The following MYBPC2 variants were observed in gnomAD, a reference collection of about 807,000 sequenced individuals.
MYBPC2 encodes myosin binding protein C2, also known as myosin-binding protein C, fast-type.
MYBPC2 carries 122 observed loss-of-function variants against 137.0 expected under a neutral mutation model. That is an observed-to-expected ratio of 0.89 (90% CI 0.77 to 1.03). MYBPC2 has a LOEUF of 1.03. Ranked by LOEUF, MYBPC2 falls within the 50% of genes least tolerant of loss-of-function variation. The pLI, the probability that MYBPC2 is intolerant of heterozygous loss-of-function variation, is 0.00. For missense variants in MYBPC2, 1,500 were observed against 1,534.4 expected (o/e 0.98, Z 0.37); for synonymous variants, 626 against 612.3 (o/e 1.02, Z -0.33).
chr19:50,464,453 C>G lies in MYBPC2; in HGVS notation c.3336C>G (p.Pro1112=). Residue 1112 remains proline (P), a synonymous_variant, in exon 27 of 28, where the codon CCC becomes CCG. Coordinates refer to ENST00000357701, the MANE Select transcript of MYBPC2 (RefSeq NM_004533.4). ...VLTLNIRRPS[P]FDAGTYTCRA... ...CGCTGAACATCCGTCGCCCCTCGCC[C>G]TTCGACGCTGGGACTTACACCTGCC... The G allele has an allele frequency of 1.9e-6, 3 of 1,612,420 alleles. No homozygotes were observed. Among genetic ancestry groups the G allele is most frequent in the Non-Finnish European group, 2.5e-6 (3 of 1,179,438 alleles).
chr19:50,441,066 G>A lies in MYBPC2; in HGVS notation c.759G>A (p.Lys253=). 6.3e-7 allele frequency: 1 copy of A among 1,592,664 alleles called. No individual in the cohort carries two copies. Among genetic ancestry groups the A allele is most frequent in the Non-Finnish European group, 8.5e-7 (1 of 1,170,094 alleles). Residue 253 remains lysine, a synonymous_variant, in exon 8 of 28, where the codon AAG becomes AAA. Transcript: ENST00000357701. The stretch of plus-strand genomic sequence containing the variant: ...TGAAAAAGGCTAAGGTCGAGGTCAA[G>A]AAGAGTGCAGGTCAGCCCTGGTCTG... The part of the protein sequence containing the change: ...KRLKKAKVEV[K]KSAAFTKKLD...
At chr19:50,434,454 A>G (rs974477878) in intron 1 of MYBPC2, among the ~76,000 whole-genome samples, 4 of 152,204 alleles carry the variant, frequency 2.6e-5, no homozygotes. Flanking sequence ...TCCCATCTGC[A>G]TGGAGTCACA....
chr19:50,442,213 G>C lies in MYBPC2; in HGVS notation c.802G>C (p.Val268Leu). Residue 268 changes from valine (V) to leucine (L), a missense_variant, in exon 9 of 28, where the codon GTG becomes CTG. By Grantham distance (32) the Val-to-Leu change is conservative. Coordinates refer to ENST00000357701, the MANE Select transcript of MYBPC2 (RefSeq NM_004533.4). ...AAAGAAGCTGGATCCAGCCTACCAA[G>C]TGGACAGAGGCAACAAGATCAAGTT... ...FTKKLDPAYQ[V>L]DRGNKIKLMV... 6.2e-7 allele frequency: 1 copy of C among 1,601,030 alleles called. No homozygotes were observed. The highest frequency in any genetic ancestry group is 8.5e-7 in the Non-Finnish European group (1 of 1,173,924).
At chr19:50,446,434 A>C (rs1020165921) in intron 12 of MYBPC2, among the ~76,000 whole-genome samples, 3 of 151,496 alleles carry the variant, frequency 2.0e-5, no homozygotes, top group Non-Finnish European at 4.4e-5. Context: ...AATTGCTTGA[A>C]CCCAGGAGGC....
At position 50,459,138 on chromosome 19, in the gene MYBPC2, A is replaced by T; in HGVS notation, c.2623A>T (p.Thr875Ser). 1 of 1,556,342 alleles carries T rather than the reference A, an allele frequency of 6.4e-7. No homozygotes were observed. Among genetic ancestry groups the T allele is most frequent in the Non-Finnish European group, 8.7e-7 (1 of 1,152,818 alleles). ...QGKPRPQVVWTKGGAPLDTSR... is the reference protein window; with the variant it reads ...QGKPRPQVVWSKGGAPLDTSR... ...AAAGCCCCGGCCCCAGGTGGTGTGG[A>T]CCAAGGGCGGGGCCCCGCTGGACAC... is the stretch of plus-strand genomic sequence containing the variant. The change falls in exon 23 of 28, where the codon ACC (threonine) becomes TCC (serine). Residue 875 changes from threonine to serine, a missense_variant. By Grantham distance (58) the Thr-to-Ser change is moderately conservative (BLOSUM62 1). Coordinates refer to ENST00000357701, the MANE Select transcript of MYBPC2 (RefSeq NM_004533.4).
At chr19:50,456,977 A>C (rs770627137) in intron 20 of MYBPC2, among the ~76,000 whole-genome samples, 8 of 152,142 alleles carry the variant, frequency 5.3e-5, no homozygotes, top group South Asian at 2.1e-4. Flanking sequence ...AGACGCAGCC[A>C]TCTCTCTGGG....
chr19:50,436,271 G>C (rs1342516371), intron 4 of MYBPC2, 111 bp downstream of exon 4: 3 of 1,448,676 alleles, frequency 2.1e-6, no homozygotes, highest in Non-Finnish European at 2.8e-6. Flanking sequence ...GAGCCGGGAT[G>C]GAGAGTGGGC....
intron 9 of MYBPC2, 44 bp from the exon 10 acceptor site, chr19:50,443,450 G>GTGGA (rs2039773561): frequency 1.2e-6 from 2 of 1,601,170 alleles, no homozygotes; most frequent in Non-Finnish European, 8.5e-7. Flanking sequence ...CCAGGGATAG[G>GTGGA]TGGATGCTCC....
At chr19:50,453,054 A>G (rs2039875531) in intron 16 of MYBPC2, among the ~76,000 whole-genome samples, 1 of 152,212 alleles carries the variant, frequency 6.6e-6, no homozygotes, top group African/African-American at 2.4e-5. Context: ...CCAGGCACTG[A>G]GGATGCAACC....
In MYBPC2 at chr19:50,436,060, A is replaced by G; in HGVS notation, c.245A>G (p.Asp82Gly). 1.3e-6 allele frequency: 2 copies of G among 1,584,692 alleles called. No homozygotes were observed. The highest frequency in any genetic ancestry group is 1.7e-6 in the Non-Finnish European group (2 of 1,165,322). The change falls in exon 4 of 28, where the codon GAC becomes GGC. Residue 82 changes from aspartate to glycine, a missense_variant. Asp to Gly is a moderately conservative substitution (Grantham distance 94). Coordinates refer to ENST00000357701, the MANE Select transcript of MYBPC2 (RefSeq NM_004533.4). ...VAKVNGKELPDKPTIKWFKGK... is the reference protein window; with the variant it reads ...VAKVNGKELPGKPTIKWFKGK... Reference sequence around the variant, plus strand: ...AAGGTGAACGGGAAGGAGCTCCCAGACAAACCGACCATCAAGTGGTTCAAG... The same window carrying G: ...AAGGTGAACGGGAAGGAGCTCCCAGGCAAACCGACCATCAAGTGGTTCAAG...
In MYBPC2 at chr19:50,465,588, T is replaced by C. The variant is rs1038429441; in HGVS notation, c.3416-607T>C. Among the ~76,000 whole-genome samples the C allele has an allele frequency of 1.3e-5, 2 of 152,170 alleles. No individual in the cohort carries two copies. The highest frequency in any genetic ancestry group is 2.9e-5 in the Non-Finnish European group (2 of 68,042). On this transcript the variant is annotated intron_variant, in intron 27 of 27. Transcript: ENST00000357701. This position sits in a 1 kb window ranked among gnomAD's most constrained non-coding sequence, Gnocchi z 4.5. Reference sequence around the variant, plus strand: ...CAAGCACGGTGGCTCTCGCCTGTAATCCCAGCACATTGGGAGGCCAAGGCA... The same window carrying C: ...CAAGCACGGTGGCTCTCGCCTGTAACCCCAGCACATTGGGAGGCCAAGGCA...
In MYBPC2 at chr19:50,436,449, G is replaced by T. The variant is rs2039704225; in HGVS notation, c.346-168G>T. On this transcript the variant is annotated intron_variant, in intron 4 of 27. Transcript: ENST00000357701. ...CCAGAAGTCCTGATGGGTCAGATAT[G>T]AGGAGACAGAGCTGGCCACCAGGTG... Among the ~76,000 whole-genome samples the T allele has an allele frequency of 1.3e-5, 2 of 152,218 alleles. 1 individual carries two copies. The highest frequency in any genetic ancestry group is 4.1e-4 in the South Asian group (2 of 4,830).
intron 24 of MYBPC2, 106 bp downstream of exon 24, chr19:50,460,285 G>GAGCC (rs1352326285): frequency 3.5e-6 from 5 of 1,441,170 alleles, no homozygotes; most frequent in Admixed American, 2.6e-5. Context: ...CCAGAGGCTA[G>GAGCC]AGGACGGGCT....
rs2040007829 is a variant in MYBPC2 at position 50,465,504 on chromosome 19, C to A, written c.3416-691C>A. Among the ~76,000 whole-genome samples, 1 of 152,154 alleles carries A rather than the reference C, an allele frequency of 6.6e-6. No individual in the cohort carries two copies. Among genetic ancestry groups the A allele is most frequent in the African/African-American group, 2.4e-5 (1 of 41,436 alleles). ...CTGACTTCCCTGGCTCTGAGGACAG[C>A]CCAGCAGACAGGGTGGCTGGGGACC... On this transcript the variant is annotated intron_variant, in intron 27 of 27. Coordinates refer to ENST00000357701, the MANE Select transcript of MYBPC2 (RefSeq NM_004533.4). The surrounding 1 kb of genome is among the most constrained non-coding windows in gnomAD (Gnocchi z 4.5).
Position 50,455,621 on chromosome 19 carries a change from T to G in MYBPC2, c.2315T>G (p.Leu772Arg). 1 of 1,613,972 alleles carries G rather than the reference T, an allele frequency of 6.2e-7. No individual in the cohort carries two copies. The highest frequency in any genetic ancestry group is 8.5e-7 in the Non-Finnish European group (1 of 1,179,892). ...RIGAGGIDGY[L>R]VEYCLEGSEE... Reference sequence around the variant, plus strand: ...GGGGCAGGTGGCATCGATGGGTACCTGGTGGAGTACTGCCTGGAAGGCTGT... The same window carrying G: ...GGGGCAGGTGGCATCGATGGGTACCGGGTGGAGTACTGCCTGGAAGGCTGT... The change falls in exon 20 of 28, where the codon CTG becomes CGG. Residue 772 changes from leucine to arginine, a missense_variant. Leu to Arg is a moderately radical substitution (Grantham distance 102). Transcript: ENST00000357701.
intron 18 of MYBPC2, among the ~76,000 whole-genome samples, chr19:50,454,713 A>C (rs1009657387): frequency 6.6e-6 from 1 of 152,036 alleles, no homozygotes; most frequent in Non-Finnish European, 1.5e-5. Context: ...GGTGTCAGCC[A>C]CGGCACCAGC....
chr19:50,435,161 C>T lies in MYBPC2; in HGVS notation c.20C>T (p.Ala7Val), dbSNP rs201530737. The change falls in exon 2 of 28, where the codon GCG (alanine) becomes GTG (valine). Residue 7 changes from alanine to valine, a missense_variant and splice_region_variant. Transcript: ENST00000357701. This position sits in a 1 kb window ranked among gnomAD's most constrained non-coding sequence, Gnocchi z 4.8. The stretch of plus-strand genomic sequence containing the variant: ...ACTATGACTGTCCCCTACCTTACAG[C>T]GGCCAAAAAGGCCCCCAAAGGCAAA... MPEAKP[A>V]AKKAPKGKDA... 12 of 1,308,212 alleles carry T rather than the reference C, an allele frequency of 9.2e-6. No homozygotes were observed. Among genetic ancestry groups the T allele is most frequent in the Admixed American group, 5.2e-5 (3 of 57,436 alleles). 81.0% of individuals were successfully genotyped at this position (1,308,212 alleles called of 1,614,324 possible).
At chr19:50,446,110 G>A in intron 12 of MYBPC2, 58 bp downstream of exon 12, 2 of 1,552,612 alleles carry the variant, frequency 1.3e-6, no homozygotes, top group Non-Finnish European at 1.7e-6. Flanking sequence ...CACACAGCTT[G>A]AGGTTGCTCA....
intron 11 of MYBPC2, among the ~76,000 whole-genome samples, chr19:50,444,274 C>T (rs1347883791): frequency 3.4e-5 from 5 of 146,824 alleles, no homozygotes; most frequent in Admixed American, 1.4e-4. Flanking sequence ...ATCTACTTAA[C>T]CATCTGTCCA....
Sources: allele counts gnomAD v4.1 joint callset (sites outside exome capture counted in the v4.1 genomes callset), GRCh38; gene constraint gnomAD v4.1.1; non-coding constraint Gnocchi (gnomAD v3.1); transcripts MANE v1.5; gene names NCBI Gene and HGNC (gene_info 2026-07-23, HGNC 2026-07-21).